SGCZ: variants seen among roughly 807,000 people sequenced by gnomAD.
The protein encoded by SGCZ is sarcoglycan zeta.
SGCZ carries 40 observed loss-of-function variants against 41.3 expected under a neutral mutation model. The ratio of observed to expected loss-of-function variants is 0.97; its 90% CI spans 0.75 to 1.26. The LOEUF (loss-of-function observed/expected upper bound fraction) is 1.26, where lower values mean the gene tolerates loss of function less well. Among genes scored for constraint, SGCZ ranks in the 50% most tolerant of loss-of-function variants. The pLI is 0.00. For synonymous variants in SGCZ, 206 were observed against 137.5 expected, an observed-to-expected ratio of 1.50 and a Z score of -3.49; for missense variants, 552 against 369.8, an observed-to-expected ratio of 1.49 and a Z score of -4.04.
chr8:15,153,923 G>A (rs900288444), intron 1 of SGCZ, among the ~76,000 whole-genome samples: 1 of 152,072 alleles, frequency 6.6e-6, no homozygotes, highest in Non-Finnish European at 1.5e-5. Flanking sequence ...GGGATGTAGG[G>A]GTGGGTGAGA....
At chr8:15,051,604 T>C (rs1350994623) in intron 1 of SGCZ, among the ~76,000 whole-genome samples, 1 of 152,168 alleles carries the variant, frequency 6.6e-6, no homozygotes, top group East Asian at 1.9e-4. Flanking sequence ...TCCAAAGTAC[T>C]TGTTCCAATT....
chr8:14,549,881 G>T (rs1004209093), intron 2 of SGCZ, among the ~76,000 whole-genome samples: 4 of 151,982 alleles, frequency 2.6e-5, no homozygotes, highest in African/African-American at 4.8e-5. Flanking sequence ...GAGGTAACAA[G>T]TTAGTTTAGA....
At chr8:14,387,585 C>T (rs572119757) in intron 2 of SGCZ, among the ~76,000 whole-genome samples, 1 of 152,132 alleles carries the variant, frequency 6.6e-6, no homozygotes, top group Admixed American at 6.5e-5. Context: ...AATATTAAGA[C>T]AATAAAGATG....
At chr8:15,118,718 T>C (rs1807365854) in intron 1 of SGCZ, among the ~76,000 whole-genome samples, 1 of 152,074 alleles carries the variant, frequency 6.6e-6, no homozygotes, top group African/African-American at 2.4e-5. Context: ...CTGTCCAATT[T>C]GTGGTATATT....
In SGCZ at chr8:14,108,227, C is replaced by A; in HGVS notation, c.556G>T (p.Gly186Ter). The part of the protein sequence containing the change: ...AEKLKVTGTE[G>*]AVFGHSVETP... The stretch of plus-strand genomic sequence containing the variant: ...TCCACAGAGTGCCCAAATACGGCTC[C>A]TTCAGTGCCTGGGGGTAGCATGAAT... The change falls in exon 6 of 8, where the codon GGA (glycine) becomes TGA (stop). Residue 186 changes from glycine to a stop codon, truncating the protein, a stop_gained. Coordinates refer to ENST00000382080, the MANE Select transcript of SGCZ (RefSeq NM_139167.4). LOFTEE classifies it high-confidence loss of function. 1 of 1,614,106 alleles carries A rather than the reference C, an allele frequency of 6.2e-7. No individual in the cohort carries two copies. Among genetic ancestry groups the A allele is most frequent in the Non-Finnish European group, 8.5e-7 (1 of 1,179,992 alleles).
chr8:14,391,948 A>C (rs576866271), intron 2 of SGCZ, among the ~76,000 whole-genome samples: 2 of 152,192 alleles, frequency 1.3e-5, no homozygotes, highest in South Asian at 4.2e-4. Context: ...AGGACAGTAC[A>C]AACGGGGAGA....
chr8:14,913,791 C>T (rs1799347386), intron 1 of SGCZ, among the ~76,000 whole-genome samples: 1 of 150,802 alleles, frequency 6.6e-6, no homozygotes, highest in Admixed American at 6.6e-5. Flanking sequence ...AGGAAAATGG[C>T]ACCAGGCAAG....
chr8:15,047,935 A>T (rs1427542883), intron 1 of SGCZ, among the ~76,000 whole-genome samples: 1 of 152,002 alleles, frequency 6.6e-6, no homozygotes, highest in Admixed American at 6.6e-5. Context: ...GAGGTTTCTC[A>T]GACAATTAAA....
intron 1 of SGCZ, among the ~76,000 whole-genome samples, chr8:14,936,799 T>C (rs1800098358): frequency 6.6e-6 from 1 of 151,860 alleles, no homozygotes; most frequent in Non-Finnish European, 1.5e-5. Flanking sequence ...GAAGAAAGTG[T>C]AACTAATGAT....
intron 4 of SGCZ, among the ~76,000 whole-genome samples, chr8:14,218,438 TA>T (rs768997389): frequency 6.6e-6 from 1 of 152,112 alleles, no homozygotes; most frequent in African/African-American, 2.4e-5. Flanking sequence ...CTTAAACAAT[TA>T]GGGGGGACAT....
At chr8:14,923,483 T>C (rs944295047) in intron 1 of SGCZ, among the ~76,000 whole-genome samples, 1 of 152,154 alleles carries the variant, frequency 6.6e-6, no homozygotes, top group Admixed American at 6.5e-5. Flanking sequence ...AGTATTTGCT[T>C]TTTATAGAGA....
Position 14,507,780 on chromosome 8 carries a change from T to TA in SGCZ, c.234+46951_234+46952insT, listed in dbSNP as rs1488744350. Among the ~76,000 whole-genome samples the TA allele has an allele frequency of 6.9e-5, 7 of 101,910 alleles. No individual in the cohort carries two copies. In the South Asian group the frequency reaches 1.3e-3, roughly 19 times the overall value. The allele number at this position is 101,910 out of a possible 152,430, so 66.9% of individuals were successfully genotyped here. On this transcript the variant is annotated intron_variant, in intron 2 of 7. Coordinates refer to ENST00000382080, the MANE Select transcript of SGCZ (RefSeq NM_139167.4). ...TGTTTGTTTTTTTGTTTTTGTTTTTTTTTTTTTCGAGATGGAGTTTCGTTC... is the reference window on the plus strand; with the variant it reads ...TGTTTGTTTTTTTGTTTTTGTTTTTTATTTTTTTCGAGATGGAGTTTCGTTC...
At chr8:14,327,200 G>C (rs190616756) in intron 2 of SGCZ, among the ~76,000 whole-genome samples, 1 of 152,142 alleles carries the variant, frequency 6.6e-6, no homozygotes, top group Non-Finnish European at 1.5e-5. Flanking sequence ...AGTAATTTTG[G>C]ATTTGGAGAT....
chr8:14,594,876 G>C (rs111472293), intron 1 of SGCZ, among the ~76,000 whole-genome samples: 1,734 of 151,770 alleles, frequency 0.011, 62 homozygotes, highest in African/African-American at 0.039. Context: ...ATTATTTTCT[G>C]TGTCTCTATT....
chr8:14,917,199 G>A (rs1345449336), intron 1 of SGCZ, among the ~76,000 whole-genome samples: 2 of 152,014 alleles, frequency 1.3e-5, no homozygotes, highest in Non-Finnish European at 2.9e-5. Context: ...GGGAAAAGGA[G>A]GCTCACCACA....
rs1177701114 is a variant in SGCZ, at chr8:14,313,922, G to C, written c.336+10181C>G. On this transcript the variant is annotated intron_variant, in intron 3 of 7. Transcript: ENST00000382080. ...TTATATCATCTCTCTGTGTGTGTGTGTGTGTGTGTGTGTGTGTGTGTGTGT... is the reference window on the plus strand; with the variant it reads ...TTATATCATCTCTCTGTGTGTGTGTCTGTGTGTGTGTGTGTGTGTGTGTGT... Among the ~76,000 whole-genome samples, 458 of 120,694 alleles carry C rather than the reference G, an allele frequency of 3.8e-3. 1 individual carries two copies. Among genetic ancestry groups the C allele is most frequent in the Middle Eastern group, 8.0e-3 (2 of 250 alleles). 79.2% of individuals were successfully genotyped at this position (120,694 alleles called of 152,430 possible). A position where few individuals can be genotyped will look rare whatever the true frequency, so the allele number is the denominator to read the frequency against.
intron 4 of SGCZ, among the ~76,000 whole-genome samples, chr8:14,225,788 A>G (rs1227157489): frequency 6.6e-6 from 1 of 152,142 alleles, no homozygotes; most frequent in African/African-American, 2.4e-5. Context: ...AAATAATTTT[A>G]TCAGCCTTAA....
intron 1 of SGCZ, among the ~76,000 whole-genome samples, chr8:14,881,552 T>C: frequency 6.6e-6 from 1 of 152,166 alleles, no homozygotes; most frequent in Non-Finnish European, 1.5e-5. Flanking sequence ...AGAGAAGCTC[T>C]GGAGTGAGCC....
chr8:15,186,002 A>G (rs925091289), intron 1 of SGCZ, among the ~76,000 whole-genome samples: 6 of 151,766 alleles, frequency 4.0e-5, no homozygotes, highest in Non-Finnish European at 7.4e-5. Flanking sequence ...AGGTGGGCAG[A>G]TCACGAGGTC....
Sources: allele counts gnomAD v4.1 joint callset (sites outside exome capture counted in the v4.1 genomes callset), GRCh38; gene constraint gnomAD v4.1.1; transcripts MANE v1.5; gene names NCBI Gene and HGNC (gene_info 2026-07-23, HGNC 2026-07-21).